The following MICAL2 variants were observed in gnomAD, a reference collection of about 807,000 sequenced individuals.
MICAL2 encodes microtubule associated monooxygenase, calponin and LIM domain containing 2.
A neutral mutation model predicts 127.3 loss-of-function variants in MICAL2; 77 were observed. The ratio of observed to expected loss-of-function variants is 0.60; its 90% CI spans 0.50 to 0.73. MICAL2 has a LOEUF of 0.73. Ranked by LOEUF, MICAL2 falls within the 30% of genes least tolerant of loss-of-function variation. MICAL2 has a pLI of 0.00. For missense variants in MICAL2, 1,351 were observed against 1,434.4 expected (o/e 0.94, Z 0.94); for synonymous variants, 570 against 551.1 (o/e 1.03, Z -0.48).
chr11:12,186,948 G>A (rs755115399), intron 3 of MICAL2, among the ~76,000 whole-genome samples: 2 of 152,222 alleles, frequency 1.3e-5, no homozygotes, highest in Non-Finnish European at 2.9e-5. Context: ...TGGTTCTCAA[G>A]GTGATCTGCC....
intron 2 of MICAL2, among the ~76,000 whole-genome samples, chr11:12,283,673 G>A (rs1863795088): frequency 6.6e-6 from 1 of 152,192 alleles, no homozygotes; most frequent in Non-Finnish European, 1.5e-5. Context: ...TGTACTTAAT[G>A]TCACTGAAAT....
chr11:12,145,256 T>C (rs1852769698), intron 2 of MICAL2, among the ~76,000 whole-genome samples: 1 of 152,232 alleles, frequency 6.6e-6, no homozygotes, highest in African/African-American at 2.4e-5. Flanking sequence ...CTATGTGGCC[T>C]GCATGCTATC....
intron 26 of MICAL2, chr11:12,261,908 T>C (rs1203619012): frequency 2.6e-5 from 26 of 986,200 alleles, no homozygotes; most frequent in Non-Finnish European, 3.1e-5. Context: ...AGAAAGTAAA[T>C]TTTTGAGGTC....
chr11:12,289,121 A>G (rs1292746798), downstream of MICAL2, among the ~76,000 whole-genome samples: 3 of 152,224 alleles, frequency 2.0e-5, no homozygotes, highest in Non-Finnish European at 4.4e-5. Flanking sequence ...TCTAGGATCT[A>G]CGAGAAAGGT....
At chr11:12,353,088 A>C (rs1939077760) in intron 33 of MICAL2, among the ~76,000 whole-genome samples, 1 of 152,220 alleles carries the variant, frequency 6.6e-6, no homozygotes, top group African/African-American at 2.4e-5. Flanking sequence ...TTCAGGGTTG[A>C]TAACAAGAAG....
chr11:12,322,151 G>A (rs970673232), intron 30 of MICAL2, among the ~76,000 whole-genome samples: 6 of 152,148 alleles, frequency 3.9e-5, no homozygotes, highest in African/African-American at 1.4e-4. Flanking sequence ...AATTAGTACA[G>A]TATCTGGCAT....
At position 12,162,294 on chromosome 11, in the gene MICAL2, A is replaced by G; in HGVS notation, c.139A>G (p.Arg47Gly). 1.9e-6 allele frequency: 3 copies of G among 1,614,256 alleles called. No individual in the cohort carries two copies. Among genetic ancestry groups the G allele is most frequent in the Non-Finnish European group, 2.5e-6 (3 of 1,180,044 alleles). The change falls in exon 3 of 28, where the codon AGA (arginine) becomes GGA (glycine). Residue 47 changes from arginine (R) to glycine (G), a missense_variant. This residue lies in a region of MICAL2 where 599 missense variants were observed against 714.9 expected (regional missense o/e 0.84). Transcript: ENST00000683283. ...CCTGGACCTAGACCCTCTGGACCACAGAAACTTTTATTCCAAGCTCAAGTC... is the reference window on the plus strand; with the variant it reads ...CCTGGACCTAGACCCTCTGGACCACGGAAACTTTTATTCCAAGCTCAAGTC... The part of the protein sequence containing the change: ...RHLDLDPLDH[R>G]NFYSKLKSKV...
chr11:12,115,370 CT>C (rs1338241337), intron 1 of MICAL2, among the ~76,000 whole-genome samples: 1 of 152,228 alleles, frequency 6.6e-6, no homozygotes, highest in Non-Finnish European at 1.5e-5. Flanking sequence ...CGATAGGTGT[CT>C]TTTACCCATC....
chr11:12,210,384 C>T (rs527324701), intron 6 of MICAL2, among the ~76,000 whole-genome samples: 1 of 152,140 alleles, frequency 6.6e-6, no homozygotes, highest in Admixed American at 6.6e-5. Context: ...TTGAGCCTGC[C>T]CCCTCAAGAG....
chr11:12,239,946 C>G (rs1354313174), intron 17 of MICAL2, among the ~76,000 whole-genome samples: 1 of 152,224 alleles, frequency 6.6e-6, no homozygotes, highest in Non-Finnish European at 1.5e-5. Flanking sequence ...TTAAATAAAT[C>G]CATTCCCTAA....
At chr11:12,210,730 T>C (rs930854684) in intron 6 of MICAL2, among the ~76,000 whole-genome samples, 6 of 152,142 alleles carry the variant, frequency 3.9e-5, no homozygotes, top group African/African-American at 7.2e-5. Context: ...TTCTTGAACA[T>C]GGAAAGAAGG....
At chr11:12,147,569 T>G (rs1233898242) in intron 2 of MICAL2, among the ~76,000 whole-genome samples, 1 of 152,248 alleles carries the variant, frequency 6.6e-6, no homozygotes, top group African/African-American at 2.4e-5. Flanking sequence ...GTTTACACAT[T>G]AAATTGTCCA....
At chr11:12,172,468 C>T (rs937180149) in intron 3 of MICAL2, among the ~76,000 whole-genome samples, 2 of 152,130 alleles carry the variant, frequency 1.3e-5, no homozygotes, top group South Asian at 4.1e-4. Flanking sequence ...AATCAAATGT[C>T]TGCAGGTTCA....
At chr11:12,166,809 G>C (rs1855556387) in intron 3 of MICAL2, among the ~76,000 whole-genome samples, 1 of 152,194 alleles carries the variant, frequency 6.6e-6, no homozygotes, top group African/African-American at 2.4e-5. Flanking sequence ...GGTAGTCTGG[G>C]AACGCTTCCT....
At chr11:12,194,255 C>G (rs994648241) in intron 3 of MICAL2, among the ~76,000 whole-genome samples, 1 of 152,214 alleles carries the variant, frequency 6.6e-6, no homozygotes, top group African/African-American at 2.4e-5. Flanking sequence ...ATCATGGTCT[C>G]TGAACCAGAT....
chr11:12,239,669 A>G, intron 17 of MICAL2, 84 bp downstream of exon 17: 1 of 1,510,394 alleles, frequency 6.6e-7, no homozygotes, highest in East Asian at 2.3e-5. Context: ...GACTTCAGAT[A>G]TGCCAGCCAG....
chr11:12,248,840 A>C (rs1459942377), intron 21 of MICAL2, among the ~76,000 whole-genome samples: 2 of 145,864 alleles, frequency 1.4e-5, no homozygotes, highest in Non-Finnish European at 3.0e-5. Context: ...AGAGCTAGGC[A>C]ACCTTTTGGA....
downstream of MICAL2, among the ~76,000 whole-genome samples, chr11:12,265,864 C>T (rs547368136): frequency 6.6e-6 from 1 of 152,212 alleles, no homozygotes; most frequent in East Asian, 1.9e-4. Context: ...ACCTGTAATC[C>T]CAGCACTTTG....
At chr11:12,314,565 G>A (rs1336603749) in intron 29 of MICAL2, among the ~76,000 whole-genome samples, 3 of 151,240 alleles carry the variant, frequency 2.0e-5, no homozygotes, top group African/African-American at 2.4e-5. Context: ...TGAAAGTTCC[G>A]TCTCCTGGGT....
Sources: gnomAD v4.1 joint callset for allele counts (sites outside exome capture counted in the v4.1 genomes callset) on GRCh38, gnomAD v4.1.1 for gene constraint, gnomAD v4.1.1 regional missense constraint, MANE v1.5 for transcripts, NCBI Gene and HGNC (gene_info 2026-07-23, HGNC 2026-07-21) for gene names.